The following PDHX variants were observed in gnomAD, a reference collection of about 807,000 sequenced individuals.
The protein encoded by PDHX is pyruvate dehydrogenase complex component X, also known as pyruvate dehydrogenase protein X component, mitochondrial.
In PDHX, 33 loss-of-function variants were observed where a neutral mutation model predicts 55.3. The ratio of observed to expected loss-of-function variants is 0.60; its 90% CI spans 0.45 to 0.80. The LOEUF is 0.80. Ranked by LOEUF, PDHX falls within the 30% of genes least tolerant of loss-of-function variation. PDHX has a pLI of 0.00. For synonymous variants in PDHX, 226 were observed against 219.4 expected (o/e 1.03, Z -0.27); for missense variants, 622 against 619.9 (o/e 1.00, Z -0.04).
chr11:34,936,849 G>A (rs1354778813), intron 2 of PDHX, among the ~76,000 whole-genome samples: 1 of 138,914 alleles, frequency 7.2e-6, no homozygotes, highest in Non-Finnish European at 1.5e-5. Flanking sequence ...TAGTGCAGTG[G>A]CCCGATCTTG....
At chr11:34,968,799 T>A (rs189634385) in intron 6 of PDHX, among the ~76,000 whole-genome samples, 270 of 152,330 alleles carry the variant, frequency 1.8e-3, no homozygotes, top group African/African-American at 5.9e-3. Flanking sequence ...GATTTCTAGT[T>A]TAACTCCACT....
chr11:34,964,127 G>C (rs555816848), intron 5 of PDHX, among the ~76,000 whole-genome samples: 1 of 152,314 alleles, frequency 6.6e-6, no homozygotes, highest in Non-Finnish European at 1.5e-5. Flanking sequence ...GAATGAATTT[G>C]TGTGGTATAT....
intron 1 of PDHX, among the ~76,000 whole-genome samples, chr11:34,924,511 G>T (rs1853970905): frequency 6.6e-6 from 1 of 152,140 alleles, no homozygotes; most frequent in African/African-American, 2.4e-5. Context: ...ATGAGCCACT[G>T]CTCCCGGCCT....
chr11:34,942,422 A>G (rs1371567027), intron 2 of PDHX, among the ~76,000 whole-genome samples: 2 of 152,240 alleles, frequency 1.3e-5, no homozygotes, highest in African/African-American at 4.8e-5. Context: ...TAAAAAATAT[A>G]TATCTATACA....
chr11:34,929,817 A>G (rs1319195799), intron 1 of PDHX, among the ~76,000 whole-genome samples: 2 of 152,120 alleles, frequency 1.3e-5, no homozygotes, highest in East Asian at 3.9e-4. Context: ...GGGCATTAGG[A>G]GTGATAATTC....
intron 10 of PDHX, 33 bp from the exon 11 acceptor site, chr11:34,994,881 T>C: frequency 6.2e-7 from 1 of 1,613,008 alleles, no homozygotes; most frequent in African/African-American, 1.3e-5. Flanking sequence ...ATTAAGGACA[T>C]GCCTCCTTCA....
intron 1 of PDHX, 21 bp downstream of exon 1, chr11:34,916,836 C>A: frequency 6.4e-7 from 1 of 1,553,128 alleles, no homozygotes; most frequent in South Asian, 1.2e-5. Context: ...GGGGCTCGCT[C>A]AGCTTCTCTG....
intron 1 of PDHX, among the ~76,000 whole-genome samples, chr11:34,930,753 AG>A (rs1854140917): frequency 6.6e-6 from 1 of 152,206 alleles, no homozygotes; most frequent in Non-Finnish European, 1.5e-5. Flanking sequence ...TTCTGGTTTG[AG>A]GTCTACTTCT....
rs1855604597 is a variant in PDHX, at chr11:34,984,747, T to C, written c.1182+19T>C. ...TGTAAAGGTATGTCTTAAGAAAGAG[T>C]GTGCTTTCAAAATGTTAGCATATAC... On this transcript the variant is annotated intron_variant, in intron 9 of 10. Transcript: ENST00000227868. The C allele has an allele frequency of 1.2e-6, 2 of 1,611,130 alleles. No homozygotes were observed. Among genetic ancestry groups the C allele is most frequent in the Admixed American group, 1.7e-5 (1 of 59,986 alleles).
intron 10 of PDHX, 23 bp downstream of exon 10, chr11:34,992,402 T>G (rs1448159968): frequency 7.4e-6 from 9 of 1,216,738 alleles, no homozygotes; most frequent in African/African-American, 1.5e-5. Flanking sequence ...CTCTTAATTA[T>G]CCATAGCATC....
At chr11:34,945,147 T>C (rs1854591689) in intron 2 of PDHX, among the ~76,000 whole-genome samples, 1 of 152,190 alleles carries the variant, frequency 6.6e-6, no homozygotes, top group Admixed American at 6.5e-5. Context: ...TTTTTGAAAG[T>C]AAGGTGGTAA....
intron 7 of PDHX, among the ~76,000 whole-genome samples, chr11:34,976,574 T>C (rs188222768): frequency 6.6e-6 from 1 of 152,106 alleles, no homozygotes; most frequent in Admixed American, 6.6e-5. Context: ...ATAAATGGTA[T>C]CAAAACCTTG....
At chr11:34,990,892 G>A (rs1217888619) in intron 9 of PDHX, among the ~76,000 whole-genome samples, 1 of 152,142 alleles carries the variant, frequency 6.6e-6, no homozygotes, top group African/African-American at 2.4e-5. Flanking sequence ...AACTGTGATT[G>A]TAATAGTGCC....
At chr11:34,980,352 C>CTTGTTTTTTTTTTT (rs1855481644) in intron 8 of PDHX, among the ~76,000 whole-genome samples, 1 of 74,822 alleles carries the variant, frequency 1.3e-5, no homozygotes, top group African/African-American at 5.0e-5. Context: ...AAGATAGTTT[C>CTTGTTTTTTTTTTT]TTTTTTTTTT....
At chr11:34,988,251 G>A (rs980535752) in intron 9 of PDHX, among the ~76,000 whole-genome samples, 4 of 152,000 alleles carry the variant, frequency 2.6e-5, no homozygotes, top group African/African-American at 4.8e-5. Flanking sequence ...ATAGCAGCGG[G>A]CATACTTTGT....
chr11:34,953,677 A>C (rs1268586125), intron 3 of PDHX, among the ~76,000 whole-genome samples: 2 of 152,334 alleles, frequency 1.3e-5, no homozygotes, highest in East Asian at 3.9e-4. Context: ...AGATTTGATA[A>C]ATTATTGATT....
At chr11:34,991,815 C>T (rs1040839270) in intron 9 of PDHX, among the ~76,000 whole-genome samples, 1 of 143,124 alleles carries the variant, frequency 7.0e-6, no homozygotes, top group Non-Finnish European at 1.5e-5. Flanking sequence ...GACGCTGAGG[C>T]AAGAGAATTG....
intron 5 of PDHX, among the ~76,000 whole-genome samples, chr11:34,964,585 CAG>C (rs1855086898): frequency 1.3e-5 from 2 of 151,974 alleles, no homozygotes; most frequent in Non-Finnish European, 2.9e-5. Context: ...GCCTGGGTGA[CAG>C]AGTGAGACTC....
At chr11:34,960,345 CTG>C in intron 4 of PDHX, 73 bp from the exon 5 acceptor site, 1 of 955,372 alleles carries the variant, frequency 1.0e-6, no homozygotes, top group South Asian at 1.4e-5. Context: ...ATTTGCGAAA[CTG>C]TTGACATTTA....
Sources: gnomAD v4.1 joint callset for allele counts (sites outside exome capture counted in the v4.1 genomes callset) on GRCh38, gnomAD v4.1.1 for gene constraint, MANE v1.5 for transcripts, NCBI Gene and HGNC (gene_info 2026-07-23, HGNC 2026-07-21) for gene names.